Variants in BEST1 observed in about 807,000 individuals in gnomAD.
BEST1 encodes bestrophin-1.
Under a neutral mutation model 63.3 loss-of-function variants are expected in BEST1, and 58 were observed. That is an observed-to-expected ratio of 0.92 (90% CI 0.74 to 1.14). The LOEUF is 1.14. Ranked by LOEUF, BEST1 falls within the 50% of genes most tolerant of loss-of-function variation. The probability of loss-of-function intolerance (pLI) is 0.00; values close to 1 mark genes in which losing one functional copy is unlikely to be tolerated. For synonymous variants in BEST1, 283 were observed against 291.6 expected, an observed-to-expected ratio of 0.97 and a Z score of 0.30; for missense variants, 671 against 740.1, an observed-to-expected ratio of 0.91 and a Z score of 1.08.
rs144772359 is a variant in BEST1, at chr11:61,959,608, T to C, written c.948+30T>C. The stretch of plus-strand genomic sequence containing the variant: ...GGGGAGAGGGAGAGAAACCATACCA[T>C]GGACCTTCCCCAAAGTGGACCCAAA... On this transcript the variant is annotated intron_variant, in intron 8 of 10. Transcript: ENST00000378043. 455 of 1,610,896 alleles carry C rather than the reference T, an allele frequency of 2.8e-4. 6 individuals are homozygous for C. The Middle Eastern group carries it at 0.016, about 57-fold the overall frequency.
At chr11:61,956,249 T>G (rs936450799) in intron 4 of BEST1, among the ~76,000 whole-genome samples, 1 of 151,730 alleles carries the variant, frequency 6.6e-6, no homozygotes, top group African/African-American at 2.4e-5. Context: ...GGTACTAGGG[T>G]CTACTTCCCT....
At chr11:61,963,017 C>T in intron 10 of BEST1, 124 bp downstream of exon 10, 2 of 1,581,700 alleles carry the variant, frequency 1.3e-6, no homozygotes, top group South Asian at 1.1e-5. Context: ...GCACACTGGA[C>T]CTACGCCCAG....
chr11:61,963,738 A>G lies in BEST1; in HGVS notation c.1740-366A>G, dbSNP rs1445786793. The G allele has an allele frequency of 5.1e-6, 6 of 1,165,316 alleles. No homozygotes were observed. The East Asian group carries it at 2.3e-4, about 45-fold the overall frequency. 72.2% of individuals were successfully genotyped at this position (1,165,316 alleles called of 1,614,324 possible). A position where few individuals can be genotyped will look rare whatever the true frequency, so the allele number is the denominator to read the frequency against. Reference sequence around the variant, plus strand: ...GTGGCCTGTTCAGCAAAGGATGTTAATATTTAAGAATCTTGTCTTGGGCTG... The same window carrying G: ...GTGGCCTGTTCAGCAAAGGATGTTAGTATTTAAGAATCTTGTCTTGGGCTG... On this transcript the variant is annotated intron_variant, in intron 10 of 10. Transcript: ENST00000378043.
Position 61,959,584 on chromosome 11 carries a change from G to A in BEST1, c.948+6G>A. 6.2e-7 allele frequency: 1 copy of A among 1,614,084 alleles called. No homozygotes were observed. Among genetic ancestry groups the A allele is most frequent in the Non-Finnish European group, 8.5e-7 (1 of 1,179,970 alleles). On this transcript the variant is annotated splice_donor_region_variant and intron_variant, in intron 8 of 10. Transcript: ENST00000378043. ...TTGTCGACAGGAATTTGCAGGTATG[G>A]GGAGAGGGAGAGAAACCATACCATG...
intron 3 of BEST1, 183 bp from the exon 4 acceptor site, chr11:61,955,535 G>C (rs1941215654): frequency 9.9e-7 from 1 of 1,011,264 alleles, no homozygotes. Context: ...GAACCCTTGG[G>C]GCTCTCGCGC....
rs751707411 is a variant in BEST1, at chr11:61,960,010, G to A, written c.1067G>A (p.Arg356Gln). The change falls in exon 9 of 11, where the codon CGA (arginine) becomes CAA (glutamine). Residue 356 changes from arginine (R) to glutamine (Q), a missense_variant. Physicochemically the swap from Arg to Gln is conservative, Grantham distance 43 (BLOSUM62 1). Transcript: ENST00000378043. ...PYTAASAQFR[R>Q]ASFMGSTFNI... is the part of the protein sequence containing the mutation. ...ACAGCTGCTTCCGCCCAGTTCCGTC[G>A]AGCCTCCTTTATGGGCTCCACCTTC... 41 of 1,610,574 alleles carry A rather than the reference G, an allele frequency of 2.5e-5. No individual in the cohort carries two copies. The Admixed American group carries it at 3.2e-4, about 12-fold the overall frequency.
At position 61,962,898 on chromosome 11, in the gene BEST1, G is replaced by C; in HGVS notation, c.1739+5G>C. On this transcript the variant is annotated splice_donor_5th_base_variant and intron_variant, in intron 10 of 10. Transcript: ENST00000378043. The stretch of plus-strand genomic sequence containing the variant: ...TTATTGGGCCTTGGAAAACAGGTCT[G>C]TCCTCCACCTGAACCAGGGGCACTG... 6.2e-7 allele frequency: 1 copy of C among 1,614,104 alleles called. No individual in the cohort carries two copies. The highest frequency in any genetic ancestry group is 1.1e-5 in the South Asian group (1 of 91,088).
At chr11:61,963,991 A>C (rs1591318146) in intron 10 of BEST1, 113 bp from the exon 11 acceptor site, 2 of 80,158 alleles carry the variant, frequency 2.5e-5, no homozygotes, top group South Asian at 2.3e-4. Flanking sequence ...AGACTGTCTC[A>C]AAAAAAAAAA....
At chr11:61,950,912 G>T (rs779442710) in intron 1 of BEST1, among the ~76,000 whole-genome samples, 1 of 152,214 alleles carries the variant, frequency 6.6e-6, no homozygotes, top group Non-Finnish European at 1.5e-5. Context: ...GAACCATGCA[G>T]GTATCTCAGG....
chr11:61,960,319 G>A lies in BEST1; in HGVS notation c.1100+276G>A, dbSNP rs195157. ...GCATTTGCTACTCGAAGGACAGCCT[G>A]TGATCAGTGATGCAGTGGAACGTTA... On this transcript the variant is annotated intron_variant, in intron 9 of 10. Coordinates refer to ENST00000378043, the MANE Select transcript of BEST1 (RefSeq NM_004183.4). The A allele has an allele frequency of 0.87, 483,728 of 554,558 alleles. 214,249 individuals carry two copies. Among genetic ancestry groups the A allele is most frequent in the East Asian group, 0.98 (31,508 of 32,182 alleles). The allele number at this position is 554,558 out of a possible 1,614,324, so 34.4% of individuals were successfully genotyped here. A position where few individuals can be genotyped will look rare whatever the true frequency, so the allele number is the denominator to read the frequency against.
chr11:61,958,182 T>C lies in BEST1; in HGVS notation c.751T>C (p.Cys251Arg). The change falls in exon 7 of 11, where the codon TGT (cysteine) becomes CGT (arginine). Residue 251 changes from cysteine (C) to arginine (R), a missense_variant. Cys to Arg is a radical substitution (Grantham distance 180). Transcript: ENST00000378043. ...GGCGGTGTACAGCTTCTTCCTGACT[T>C]GTCTAGTTGGGCGGCAGTTTCTGAA... ...TVAVYSFFLTCLVGRQFLNPA... is the reference protein window; with the variant it reads ...TVAVYSFFLTRLVGRQFLNPA... 1 of 1,614,116 alleles carries C rather than the reference T, an allele frequency of 6.2e-7. No homozygotes were observed. The highest frequency in any genetic ancestry group is 8.5e-7 in the Non-Finnish European group (1 of 1,180,014).
chr11:61,962,697 T>A lies in BEST1; in HGVS notation c.1543T>A (p.Leu515Met). Reference protein sequence around the residue: ...VSSGAKKSFELLSESDGALME... With the variant: ...VSSGAKKSFEMLSESDGALME... ...TTCTGGGGCCAAGAAAAGTTTTGAA[T>A]TGCTCTCAGAGAGCGATGGGGCCTT... The change falls in exon 10 of 11, where the codon TTG becomes ATG. Residue 515 changes from leucine (L) to methionine (M), a missense_variant. Leu to Met is a conservative substitution (Grantham distance 15). Coordinates refer to ENST00000378043, the MANE Select transcript of BEST1 (RefSeq NM_004183.4). The A allele has an allele frequency of 6.2e-7, 1 of 1,614,210 alleles. No homozygotes were observed. Among genetic ancestry groups the A allele is most frequent in the Non-Finnish European group, 8.5e-7 (1 of 1,180,046 alleles).
intron 2 of BEST1, among the ~76,000 whole-genome samples, chr11:61,953,906 C>CAAAT (rs1272852287): frequency 6.6e-6 from 1 of 151,766 alleles, no homozygotes; most frequent in Non-Finnish European, 1.5e-5. Flanking sequence ...AACAAACAAA[C>CAAAT]AAACAAACAA....
chr11:61,959,322 G>A (rs943827675), intron 7 of BEST1, 176 bp from the exon 8 acceptor site: 10 of 678,858 alleles, frequency 1.5e-5, no homozygotes, highest in African/African-American at 3.5e-5. Context: ...GTGTCCAGAA[G>A]TGTGTGGGTG....
intron 2 of BEST1, among the ~76,000 whole-genome samples, chr11:61,952,293 T>C (rs2134411733): frequency 8.3e-6 from 1 of 120,034 alleles, no homozygotes; most frequent in East Asian, 2.7e-4. Flanking sequence ...GCCCACATAG[T>C]ACATTAAAAA....
At chr11:61,957,221 T>C (rs1941469024) in intron 5 of BEST1, among the ~76,000 whole-genome samples, 166 bp from the exon 6 acceptor site, 1 of 152,006 alleles carries the variant, frequency 6.6e-6, no homozygotes, top group African/African-American at 2.4e-5. Context: ...TCCCTTTTGA[T>C]AGATGAGGAA....
chr11:61,953,178 A>C (rs1022876548), intron 2 of BEST1, among the ~76,000 whole-genome samples: 1 of 152,222 alleles, frequency 6.6e-6, no homozygotes, highest in Non-Finnish European at 1.5e-5. Context: ...AAAAGCATTA[A>C]TGATTACATG....
rs1942270851 is a variant in BEST1 at position 61,963,284 on chromosome 11, G to A, written c.1739+391G>A. 3 of 1,369,668 alleles carry A rather than the reference G, an allele frequency of 2.2e-6. No homozygotes were observed. The Admixed American group carries it at 9.7e-5, about 44-fold the overall frequency. The allele number at this position is 1,369,668 out of a possible 1,614,324, so 84.8% of individuals were successfully genotyped here. A position where few individuals can be genotyped will look rare whatever the true frequency, so the allele number is the denominator to read the frequency against. ...ACCCAAAACCATGAGGTGGCAGTCA[G>A]CTGGATGACAGATGAACACTTCCCC... On this transcript the variant is annotated intron_variant, in intron 10 of 10. Transcript: ENST00000378043.
chr11:61,958,369 CGAG>C, intron 7 of BEST1, 71 bp downstream of exon 7: 1 of 1,610,846 alleles, frequency 6.2e-7, no homozygotes, highest in Non-Finnish European at 8.5e-7. Flanking sequence ...CTGCCTGAGA[CGAG>C]GATGCAGTGT....
Sources: gnomAD v4.1 joint callset for allele counts (sites outside exome capture counted in the v4.1 genomes callset) on GRCh38, gnomAD v4.1.1 for gene constraint, MANE v1.5 for transcripts, NCBI Gene and HGNC (gene_info 2026-07-23, HGNC 2026-07-21) for gene names.